The following RBFOX3 variants were observed in gnomAD, a reference collection of about 807,000 sequenced individuals.
RBFOX3 encodes the protein RNA binding protein fox-1 homolog 3.
RBFOX3 carries 17 observed loss-of-function variants against 48.7 expected under a neutral mutation model. The observed-to-expected ratio is 0.35, with a 90% CI of 0.24 to 0.52. RBFOX3 has a LOEUF of 0.52. Ranked by LOEUF, RBFOX3 falls within the 20% of genes least tolerant of loss-of-function variation. RBFOX3 has a pLI of 0.94. For missense variants in RBFOX3, 382 were observed against 497.5 expected, an observed-to-expected ratio of 0.77 and a Z score of 2.21; for synonymous variants, 212 against 209.5, an observed-to-expected ratio of 1.01 and a Z score of -0.10.
chr17:79,159,643 G>A (rs1419174310), intron 4 of RBFOX3, among the ~76,000 whole-genome samples: 1 of 152,182 alleles, frequency 6.6e-6, no homozygotes, highest in African/African-American at 2.4e-5. Flanking sequence ...GGGTGGTAGG[G>A]ACACATGCAC....
At chr17:79,630,119 C>T in the RBFOX3 span, among the ~76,000 whole-genome samples, 2 of 152,172 alleles carry the variant, frequency 1.3e-5, no homozygotes, top group Non-Finnish European at 2.9e-5. Context: ...TCCAGTTTCT[C>T]CCCCAAGGTA....
At chr17:79,210,008 A>AAG (rs2058150664) in intron 4 of RBFOX3, among the ~76,000 whole-genome samples, 1 of 151,646 alleles carries the variant, frequency 6.6e-6, no homozygotes, top group Non-Finnish European at 1.5e-5. Context: ...AAAAAAAAAA[A>AAG]AAAAGAAAGA....
At chr17:79,433,892 T>C (rs1212894392) in intron 2 of RBFOX3, among the ~76,000 whole-genome samples, 2 of 152,226 alleles carry the variant, frequency 1.3e-5, no homozygotes, top group African/African-American at 2.4e-5. Flanking sequence ...TACCTAACCT[T>C]GTTTTAAGGG....
chr17:79,113,412 G>A (rs1288244143), intron 5 of RBFOX3, among the ~76,000 whole-genome samples: 1 of 152,138 alleles, frequency 6.6e-6, no homozygotes, highest in Non-Finnish European at 1.5e-5. Flanking sequence ...CCTGGGTGCA[G>A]GTCATGGAGG....
intron 5 of RBFOX3, among the ~76,000 whole-genome samples, chr17:79,113,605 T>C (rs1568154045): frequency 6.6e-6 from 1 of 152,090 alleles, no homozygotes. Flanking sequence ...AATAACTGGG[T>C]GGTGAGACTC....
At chr17:79,445,782 T>A (rs187926338) in intron 2 of RBFOX3, among the ~76,000 whole-genome samples, 195 of 152,324 alleles carry the variant, frequency 1.3e-3, no homozygotes, top group Admixed American at 4.1e-3. Context: ...GCTAGAACCT[T>A]CTGATTCAGC....
chr17:79,092,771 C>T (rs2074209562), intron 14 of RBFOX3: 5 of 410,234 alleles, frequency 1.2e-5, no homozygotes, highest in Non-Finnish European at 1.6e-5. Flanking sequence ...CCCCTATATT[C>T]CTTGGGGAGA....
chr17:79,436,028 T>C (rs1002004197), intron 2 of RBFOX3, among the ~76,000 whole-genome samples: 9 of 152,188 alleles, frequency 5.9e-5, no homozygotes, highest in African/African-American at 2.2e-4. Context: ...ACCGCCCCCA[T>C]GAGACCTGCA....
intron 1 of RBFOX3, among the ~76,000 whole-genome samples, chr17:79,563,666 G>T (rs2092343212): frequency 6.6e-6 from 1 of 152,228 alleles, no homozygotes; most frequent in South Asian, 2.1e-4. Context: ...GAGTAGAATA[G>T]GTCTTCTCTT....
the RBFOX3 span, among the ~76,000 whole-genome samples, chr17:79,625,868 C>G: frequency 6.6e-6 from 1 of 152,172 alleles, no homozygotes; most frequent in Admixed American, 6.5e-5. Context: ...CGTGCGCAGA[C>G]GGGGGTGGCT....
intron 1 of RBFOX3, among the ~76,000 whole-genome samples, chr17:79,553,847 C>T (rs889830369): frequency 2.6e-5 from 4 of 152,130 alleles, no homozygotes; most frequent in Non-Finnish European, 5.9e-5. Flanking sequence ...ATTCTCCTGC[C>T]TCAGCCTCCC....
chr17:79,546,998 C>G (rs1555792122), intron 1 of RBFOX3, among the ~76,000 whole-genome samples: 1 of 152,098 alleles, frequency 6.6e-6, no homozygotes, highest in East Asian at 1.9e-4. Flanking sequence ...ACCCACTACT[C>G]AGCAGGGGCT....
At chr17:79,355,867 C>G (rs565151842) in intron 2 of RBFOX3, among the ~76,000 whole-genome samples, 1 of 152,324 alleles carries the variant, frequency 6.6e-6, no homozygotes, top group African/African-American at 2.4e-5. Context: ...AGACGTGAAC[C>G]ACCGTGCCTG....
chr17:79,224,037 C>T (rs1310720396), intron 4 of RBFOX3, among the ~76,000 whole-genome samples: 2 of 152,120 alleles, frequency 1.3e-5, no homozygotes, highest in African/African-American at 4.8e-5. Context: ...CTGCACACCT[C>T]GCCAGTTCTC....
chr17:79,262,593 G>A (rs1017336183), intron 3 of RBFOX3, among the ~76,000 whole-genome samples: 5 of 152,250 alleles, frequency 3.3e-5, no homozygotes, highest in Non-Finnish European at 7.3e-5. Context: ...CTCAAGAGGT[G>A]GAGGGAGGCC....
intron 4 of RBFOX3, among the ~76,000 whole-genome samples, chr17:79,122,754 C>T (rs969778580): frequency 6.6e-6 from 1 of 152,132 alleles, no homozygotes; most frequent in African/African-American, 2.4e-5. Context: ...ATCTGCATTG[C>T]TGTTTATTGC....
intron 4 of RBFOX3, among the ~76,000 whole-genome samples, chr17:79,156,145 C>T (rs1001099696): frequency 6.6e-6 from 1 of 152,180 alleles, no homozygotes; most frequent in Non-Finnish European, 1.5e-5. Flanking sequence ...AAGGAGGATG[C>T]GCCCGCCTCA....
Position 79,104,112 on chromosome 17 carries a change from A to C in RBFOX3, c.375T>G (p.Ile125Met), listed in dbSNP as rs1326517521. The C allele has an allele frequency of 6.4e-7, 1 of 1,551,222 alleles. No individual in the cohort carries two copies. Among genetic ancestry groups the C allele is most frequent in the Non-Finnish European group, 8.7e-7 (1 of 1,146,874 alleles). ...LRQMFGQFGKILDVEIIFNER... is the reference protein window; with the variant it reads ...LRQMFGQFGKMLDVEIIFNER... ...CGTTAAAAATGATCTCCACGTCTAA[A>C]ATTTTTCCGAATTGCTGCAGAGACA... The change falls in exon 7 of 15, where the codon ATT becomes ATG. Residue 125 changes from isoleucine (I) to methionine (M), a missense_variant. Coordinates refer to ENST00000693108, the MANE Select transcript of RBFOX3 (RefSeq NM_001350451.2).
At chr17:79,485,602 C>T (rs2079461332) in intron 1 of RBFOX3, among the ~76,000 whole-genome samples, 1 of 152,204 alleles carries the variant, frequency 6.6e-6, no homozygotes, top group Non-Finnish European at 1.5e-5. Context: ...CCAGCAGCCC[C>T]ACACTTCTCC....
Sources: allele counts gnomAD v4.1 joint callset (sites outside exome capture counted in the v4.1 genomes callset), GRCh38; gene constraint gnomAD v4.1.1; transcripts MANE v1.5; gene names NCBI Gene and HGNC (gene_info 2026-07-23, HGNC 2026-07-21).